The following PTPRG variants were observed in gnomAD, a reference collection of about 807,000 sequenced individuals.
PTPRG encodes protein tyrosine phosphatase receptor type G.
In PTPRG, 102 loss-of-function variants were observed where a neutral mutation model predicts 165.3. The ratio of observed to expected loss-of-function variants is 0.62; its 90% CI spans 0.53 to 0.73. The LOEUF (loss-of-function observed/expected upper bound fraction) is 0.73. PTPRG is among the 30% of genes least tolerant of loss of function. The probability of loss-of-function intolerance (pLI) is 0.00; values close to 1 mark genes in which losing one functional copy is unlikely to be tolerated. For synonymous variants in PTPRG, 675 were observed against 669.5 expected (o/e 1.01, Z -0.13); for missense variants, 1,866 against 1,861.4 (o/e 1.00, Z -0.05).
At chr3:61,696,159 G>A (rs1023657129) in intron 1 of PTPRG, among the ~76,000 whole-genome samples, 5 of 152,094 alleles carry the variant, frequency 3.3e-5, no homozygotes, top group Non-Finnish European at 5.9e-5. Flanking sequence ...TTGTATGTTT[G>A]TGCTATTTTG....
intron 1 of PTPRG, among the ~76,000 whole-genome samples, chr3:61,713,745 A>G (rs900639379): frequency 1.3e-5 from 2 of 152,076 alleles, no homozygotes; most frequent in Non-Finnish European, 1.5e-5. Flanking sequence ...GCGTGTCCCA[A>G]TTTTTGGTTT....
intron 6 of PTPRG, among the ~76,000 whole-genome samples, chr3:62,153,225 C>T (rs547843883): frequency 6.6e-6 from 1 of 152,300 alleles, no homozygotes; most frequent in South Asian, 2.1e-4. Context: ...CCAGCCTGTA[C>T]CTCATCTGGG....
At chr3:62,087,596 A>T (rs1186616494) in intron 5 of PTPRG, among the ~76,000 whole-genome samples, 1 of 152,222 alleles carries the variant, frequency 6.6e-6, no homozygotes, top group African/African-American at 2.4e-5. Context: ...GGAAGCTGAG[A>T]CATGGAGCTT....
chr3:62,070,221 A>G (rs1321822403), intron 4 of PTPRG, among the ~76,000 whole-genome samples: 1 of 152,196 alleles, frequency 6.6e-6, no homozygotes, highest in Non-Finnish European at 1.5e-5. Flanking sequence ...AAGTAACATA[A>G]TCTGTATTTA....
chr3:62,081,293 CAAAA>C (rs1349665120), intron 5 of PTPRG, among the ~76,000 whole-genome samples: 47 of 143,500 alleles, frequency 3.3e-4, no homozygotes, highest in Admixed American at 2.6e-3. Flanking sequence ...AACAAACAAA[CAAAA>C]ACATAATTTT....
At chr3:61,694,338 A>G (rs2030427150) in intron 1 of PTPRG, among the ~76,000 whole-genome samples, 1 of 152,228 alleles carries the variant, frequency 6.6e-6, no homozygotes. Flanking sequence ...TTACATAGTT[A>G]AAACCACAGT....
At chr3:62,264,468 C>T (rs754839608) in intron 17 of PTPRG, among the ~76,000 whole-genome samples, 5 of 152,144 alleles carry the variant, frequency 3.3e-5, no homozygotes, top group African/African-American at 4.8e-5. Flanking sequence ...CTCTCCAGCA[C>T]TTAGAAACCC....
intron 4 of PTPRG, among the ~76,000 whole-genome samples, chr3:62,068,893 C>G (rs549066459): frequency 6.6e-6 from 1 of 152,170 alleles, no homozygotes; most frequent in Admixed American, 6.5e-5. Context: ...GATTAGTGTA[C>G]TCTGTGATTA....
At chr3:61,861,159 T>A (rs540259643) in intron 2 of PTPRG, among the ~76,000 whole-genome samples, 1 of 152,348 alleles carries the variant, frequency 6.6e-6, no homozygotes, top group African/African-American at 2.4e-5. Flanking sequence ...TGCCAATTTT[T>A]AAAAATATAG....
chr3:62,232,944 C>T (rs1417241241), intron 14 of PTPRG, among the ~76,000 whole-genome samples: 2 of 152,216 alleles, frequency 1.3e-5, no homozygotes, highest in Non-Finnish European at 2.9e-5. Flanking sequence ...CTTCCTGGCC[C>T]TGCGACTAGG....
At chr3:61,710,562 G>A (rs2031499437) in intron 1 of PTPRG, among the ~76,000 whole-genome samples, 1 of 152,046 alleles carries the variant, frequency 6.6e-6, no homozygotes, top group African/African-American at 2.4e-5. Flanking sequence ...GGCTTTGAAT[G>A]AGGCCCAACA....
At chr3:61,688,425 A>G (rs1028759949) in intron 1 of PTPRG, among the ~76,000 whole-genome samples, 1 of 152,068 alleles carries the variant, frequency 6.6e-6, no homozygotes, top group Admixed American at 6.5e-5. Context: ...AGCTCATCAG[A>G]GGCTCTCTTT....
At chr3:62,082,467 TG>T (rs1365426170) in intron 5 of PTPRG, among the ~76,000 whole-genome samples, 1 of 152,230 alleles carries the variant, frequency 6.6e-6, no homozygotes. Flanking sequence ...ACAGTGTTTA[TG>T]ATTCTTTTCT....
chr3:61,831,991 T>C (rs2036309237), intron 2 of PTPRG, among the ~76,000 whole-genome samples: 1 of 152,226 alleles, frequency 6.6e-6, no homozygotes, highest in Admixed American at 6.5e-5. Context: ...TAATGTAATA[T>C]TTTAAAAATG....
At chr3:62,040,152 C>T (rs2107800396) in intron 4 of PTPRG, among the ~76,000 whole-genome samples, 1 of 152,296 alleles carries the variant, frequency 6.6e-6, no homozygotes, top group East Asian at 1.9e-4. Flanking sequence ...TTGAAAGACT[C>T]CTCCTAATGA....
chr3:62,136,394 C>T (rs1026733454), intron 6 of PTPRG, among the ~76,000 whole-genome samples: 1 of 152,112 alleles, frequency 6.6e-6, no homozygotes, highest in African/African-American at 2.4e-5. Context: ...AGAGATTATC[C>T]AGACAGAGAA....
intron 1 of PTPRG, among the ~76,000 whole-genome samples, chr3:61,612,564 A>G (rs1372994257): frequency 1.3e-5 from 2 of 152,160 alleles, no homozygotes; most frequent in Admixed American, 1.3e-4. Flanking sequence ...AGAAGCTGTT[A>G]ACTTCTCCAC....
intron 20 of PTPRG, among the ~76,000 whole-genome samples, chr3:62,270,062 A>C (rs1702010596): frequency 6.6e-6 from 1 of 152,282 alleles, no homozygotes; most frequent in Non-Finnish European, 1.5e-5. Context: ...ACTGTGGTTG[A>C]CCTCGGGAAT....
chr3:62,065,012 G>T (rs930476124), intron 4 of PTPRG, among the ~76,000 whole-genome samples: 9 of 152,128 alleles, frequency 5.9e-5, no homozygotes, highest in African/African-American at 1.9e-4. Context: ...GATTATAGGT[G>T]TGAGCCACTG....
Sources: allele counts gnomAD v4.1 joint callset (sites outside exome capture counted in the v4.1 genomes callset), GRCh38; gene constraint gnomAD v4.1.1; transcripts MANE v1.5; gene names NCBI Gene and HGNC (gene_info 2026-07-23, HGNC 2026-07-21).